The following MCTP2 variants were observed in gnomAD, a reference collection of about 807,000 sequenced individuals.
MCTP2 encodes multiple C2 and transmembrane domain containing 2.
A neutral mutation model predicts 111.6 loss-of-function variants in MCTP2; 132 were observed. The observed-to-expected ratio is 1.18, with a 90% CI of 1.03 to 1.37. The LOEUF (loss-of-function observed/expected upper bound fraction) is 1.37, where lower values mean the gene tolerates loss of function less well. Among genes scored for constraint, MCTP2 ranks in the 40% most tolerant of loss-of-function variants. The pLI, the probability that MCTP2 is intolerant of heterozygous loss-of-function variation, is 0.00. For missense variants in MCTP2, 1,183 were observed against 1,067.9 expected, an observed-to-expected ratio of 1.11 and a Z score of -1.50; for synonymous variants, 395 against 387.7, an observed-to-expected ratio of 1.02 and a Z score of -0.22.
intron 21 of MCTP2, 111 bp from the exon 22 acceptor site, chr15:94,476,581 CTAGA>C (rs1446947320): frequency 1.3e-5 from 9 of 679,376 alleles, no homozygotes; most frequent in South Asian, 1.9e-5. Context: ...AAGATAGATG[CTAGA>C]TAGATAGATG....
intron 4 of MCTP2, among the ~76,000 whole-genome samples, chr15:94,334,762 GGT>G (rs2077278082): frequency 6.6e-6 from 1 of 151,798 alleles, no homozygotes; most frequent in Non-Finnish European, 1.5e-5. Context: ...CACTCAGGCT[GGT>G]CTCAAACTCC....
intron 17 of MCTP2, among the ~76,000 whole-genome samples, chr15:94,417,818 T>A (rs1401228133): frequency 6.6e-6 from 1 of 152,144 alleles, no homozygotes; most frequent in African/African-American, 2.4e-5. Flanking sequence ...TGTACTTTGC[T>A]ATAAATAGCA....
At chr15:94,357,820 A>G (rs2078714226) in intron 9 of MCTP2, among the ~76,000 whole-genome samples, 1 of 152,200 alleles carries the variant, frequency 6.6e-6, no homozygotes, top group Admixed American at 6.5e-5. Context: ...CAAAAATGAA[A>G]ATCCTGCCAA....
chr15:94,241,265 C>T (rs982950743), intron 1 of MCTP2, among the ~76,000 whole-genome samples: 13 of 152,094 alleles, frequency 8.5e-5, no homozygotes, highest in South Asian at 4.1e-4. Context: ...TCTGATGTGC[C>T]GGGCACAGCC....
chr15:94,393,116 A>G (rs2081088162), intron 14 of MCTP2, among the ~76,000 whole-genome samples: 3 of 152,332 alleles, frequency 2.0e-5, no homozygotes, highest in Non-Finnish European at 2.9e-5. Flanking sequence ...ATCTATGAAC[A>G]TAAAGAAAAT....
chr15:94,277,284 G>A (rs1036593681), intron 1 of MCTP2, among the ~76,000 whole-genome samples: 2 of 152,086 alleles, frequency 1.3e-5, no homozygotes, highest in African/African-American at 4.8e-5. Context: ...GAAGACTGAA[G>A]TTATATAGAT....
intron 1 of MCTP2, chr15:94,231,934 A>C (rs889352710): frequency 6.6e-6 from 1 of 152,292 alleles, no homozygotes; most frequent in African/African-American, 2.4e-5. Context: ...TGCATTTTAA[A>C]GGCCACACAT....
chr15:94,440,386 C>A, intron 18 of MCTP2, 88 bp downstream of exon 18: 1 of 1,553,382 alleles, frequency 6.4e-7, no homozygotes, highest in Non-Finnish European at 8.8e-7. Context: ...TGGCCCAAGT[C>A]CATTTCGTTT....
At chr15:94,380,775 A>G (rs924133618) in intron 12 of MCTP2, among the ~76,000 whole-genome samples, 1 of 151,982 alleles carries the variant, frequency 6.6e-6, no homozygotes, top group East Asian at 1.9e-4. Context: ...CTCAAAAAAA[A>G]AAAAGGGGGG....
At chr15:94,307,158 A>T (rs962484093) in intron 2 of MCTP2, among the ~76,000 whole-genome samples, 2 of 152,190 alleles carry the variant, frequency 1.3e-5, no homozygotes, top group Admixed American at 1.3e-4. Flanking sequence ...AGAGTAGTCA[A>T]CAAAATAGAA....
chr15:94,454,389 G>A (rs1178219602), intron 19 of MCTP2, among the ~76,000 whole-genome samples: 1 of 152,066 alleles, frequency 6.6e-6, no homozygotes, highest in Non-Finnish European at 1.5e-5. Flanking sequence ...TCCACCACTT[G>A]CAAAGTTGTA....
At chr15:94,309,182 A>G (rs940673656) in intron 2 of MCTP2, among the ~76,000 whole-genome samples, 3 of 152,110 alleles carry the variant, frequency 2.0e-5, no homozygotes, top group Non-Finnish European at 2.9e-5. Flanking sequence ...TTTTCATTCT[A>G]TCACTGTGTC....
intron 20 of MCTP2, among the ~76,000 whole-genome samples, chr15:94,464,170 T>C (rs1456345972): frequency 6.9e-6 from 1 of 145,646 alleles, no homozygotes; most frequent in East Asian, 2.0e-4. Flanking sequence ...AATTAGCTGC[T>C]GAAGCATCTA....
At chr15:94,325,539 C>A (rs1156474500) in intron 4 of MCTP2, among the ~76,000 whole-genome samples, 1 of 152,022 alleles carries the variant, frequency 6.6e-6, no homozygotes, top group African/African-American at 2.4e-5. Flanking sequence ...AGTTCCTCCC[C>A]CTGCCGCCAC....
intron 14 of MCTP2, among the ~76,000 whole-genome samples, chr15:94,395,395 AT>A (rs2081231314): frequency 6.6e-6 from 1 of 152,216 alleles, no homozygotes; most frequent in Non-Finnish European, 1.5e-5. Flanking sequence ...TTAAGTGTGT[AT>A]CTTTCCTCTC....
At chr15:94,251,841 C>T (rs535925114) in intron 1 of MCTP2, among the ~76,000 whole-genome samples, 7 of 152,142 alleles carry the variant, frequency 4.6e-5, no homozygotes, top group East Asian at 3.9e-4. Flanking sequence ...TCTGTCTCCA[C>T]GAATTTGACT....
intron 2 of MCTP2, among the ~76,000 whole-genome samples, chr15:94,300,674 A>G (rs984117690): frequency 1.3e-5 from 2 of 152,142 alleles, no homozygotes; most frequent in Non-Finnish European, 2.9e-5. Context: ...CAAGCAGAGC[A>G]TAAGAGGCTA....
intron 1 of MCTP2, among the ~76,000 whole-genome samples, chr15:94,248,275 T>A (rs1490353292): frequency 6.6e-6 from 1 of 152,206 alleles, no homozygotes; most frequent in African/African-American, 2.4e-5. Flanking sequence ...AAGTGTTTGA[T>A]GCACCCATTT....
chr15:94,261,345 G>A (rs2073168335), intron 1 of MCTP2, among the ~76,000 whole-genome samples: 1 of 152,166 alleles, frequency 6.6e-6, no homozygotes, highest in Admixed American at 6.5e-5. Flanking sequence ...GACACTTTTT[G>A]GGTTCACACT....
Sources: gnomAD v4.1 joint callset for allele counts (sites outside exome capture counted in the v4.1 genomes callset) on GRCh38, gnomAD v4.1.1 for gene constraint, MANE v1.5 for transcripts, NCBI Gene and HGNC (gene_info 2026-07-23, HGNC 2026-07-21) for gene names.